The following PCK2 variants were observed in gnomAD, a reference collection of about 807,000 sequenced individuals.
The protein encoded by PCK2 is phosphoenolpyruvate carboxykinase [GTP], mitochondrial.
In PCK2, 56 loss-of-function variants were observed where a neutral mutation model predicts 65.9. That is an observed-to-expected ratio of 0.85 (90% CI 0.69 to 1.06). The LOEUF (loss-of-function observed/expected upper bound fraction) is 1.06, where lower values mean the gene tolerates loss of function less well. Ranked by LOEUF, PCK2 falls within the 50% of genes least tolerant of loss-of-function variation. PCK2 has a pLI of 0.00. For missense variants in PCK2, 843 were observed against 863.1 expected, an observed-to-expected ratio of 0.98 and a Z score of 0.29; for synonymous variants, 305 against 319.6, an observed-to-expected ratio of 0.95 and a Z score of 0.49.
Position 24,103,789 on chromosome 14 carries a change from A to C in PCK2, c.1748A>C (p.Asp583Ala), listed in dbSNP as rs780916962. 3 of 1,613,992 alleles carry C rather than the reference A, an allele frequency of 1.9e-6. No individual in the cohort carries two copies. Among genetic ancestry groups the C allele is most frequent in the Admixed American group, 3.3e-5 (2 of 59,998 alleles). The stretch of plus-strand genomic sequence containing the variant: ...CTGGTGCCAAAGGAAGGAGCCTTGG[A>C]TCTCAGCGGCCTCAGAGCTATAGAC... ...IGLVPKEGAL[D>A]LSGLRAIDTT... Residue 583 changes from aspartate to alanine, a missense_variant, in exon 10 of 10, where the codon GAT becomes GCT. Asp to Ala is a moderately radical substitution (Grantham distance 126). Coordinates refer to ENST00000216780, the MANE Select transcript of PCK2 (RefSeq NM_004563.4).
rs781084380 is a variant in PCK2 at position 24,099,648 on chromosome 14, C to A, written c.943C>A (p.Arg315=). 9.4e-5 allele frequency: 152 copies of A among 1,613,694 alleles called. No homozygotes were observed. The highest frequency in any genetic ancestry group is 1.2e-4 in the Non-Finnish European group (143 of 1,179,750). The change falls in exon 6 of 10, where the codon CGG becomes AGG. Residue 315 remains arginine, a synonymous_variant. Transcript: ENST00000216780. Reference sequence around the variant, plus strand: ...TGGCAAGACCAACCTGGCTATGATGCGGCCTGCACTGCCAGGCTGGAAAGT... The same window carrying A: ...TGGCAAGACCAACCTGGCTATGATGAGGCCTGCACTGCCAGGCTGGAAAGT... The part of the protein sequence containing the change: ...ACGKTNLAMM[R]PALPGWKVEC...
intron 7 of PCK2, chr14:24,100,459 G>A (rs1566579197): frequency 7.6e-6 from 7 of 916,994 alleles, no homozygotes; most frequent in Non-Finnish European, 1.1e-5. Context: ...GTTGAATGAG[G>A]GTAGTTGTGA....
rs1046859716 is a variant in PCK2 at position 24,097,830 on chromosome 14, G to C, written c.276-373G>C. Among the ~76,000 whole-genome samples, 5 of 152,244 alleles carry C rather than the reference G, an allele frequency of 3.3e-5. No homozygotes were observed. In the East Asian group the frequency reaches 9.7e-4, roughly 30 times the overall value. On this transcript the variant is annotated intron_variant, in intron 2 of 9. Coordinates refer to ENST00000216780, the MANE Select transcript of PCK2 (RefSeq NM_004563.4). Reference sequence around the variant, plus strand: ...GTTGGTCTCAAACTCCTAACCTCAAGTGATCCACCCACCTCAGCCTCCCAA... The same window carrying C: ...GTTGGTCTCAAACTCCTAACCTCAACTGATCCACCCACCTCAGCCTCCCAA...
chr14:24,098,950 G>A, intron 4 of PCK2, 99 bp from the exon 5 acceptor site: 2 of 925,478 alleles, frequency 2.2e-6, no homozygotes, highest in Middle Eastern at 3.1e-4. Context: ...TGCTGCTACT[G>A]CTCCCAAGTG....
At chr14:24,097,176 T>C in intron 2 of PCK2, 39 bp downstream of exon 2, 1 of 1,600,066 alleles carries the variant, frequency 6.2e-7, no homozygotes. Context: ...ATAGGTGCAC[T>C]GAGGCCACTT....
intron 1 of PCK2, among the ~76,000 whole-genome samples, chr14:24,096,228 CTTTTTTTTTTTTT>C (rs34592767): frequency 5.9e-4 from 35 of 58,880 alleles, no homozygotes; most frequent in African/African-American, 2.4e-3. Flanking sequence ...CTACTCATTT[CTTTTTTTTTTTTT>C]TTTTTTTTTT....
In PCK2 at chr14:24,103,709, C is replaced by T; in HGVS notation, c.1668C>T (p.Asp556=). 2 of 1,614,206 alleles carry T rather than the reference C, an allele frequency of 1.2e-6. No individual in the cohort carries two copies. Among genetic ancestry groups the T allele is most frequent in the Non-Finnish European group, 1.7e-6 (2 of 1,180,034 alleles). Residue 556 remains aspartate, a synonymous_variant, in exon 10 of 10, where the codon GAC becomes GAT. Transcript: ENST00000216780. ...PGFGENARVL[D]WICRRLEGED... ...TTGGGGAGAATGCTCGGGTGCTAGA[C>T]TGGATCTGCCGGCGGTTAGAGGGGG...
intron 1 of PCK2, chr14:24,095,216 T>C (rs1594282418): frequency 2.2e-6 from 1 of 455,874 alleles, no homozygotes; most frequent in South Asian, 1.5e-5. Flanking sequence ...TTGTGGGTGG[T>C]CTCTGAAGGA....
chr14:24,103,671 C>A lies in PCK2; in HGVS notation c.1630C>A (p.Leu544Met). 1 of 1,614,208 alleles carries A rather than the reference C, an allele frequency of 6.2e-7. No individual in the cohort carries two copies. The highest frequency in any genetic ancestry group is 1.1e-5 in the South Asian group (1 of 91,088). ...WFRRDEAGHF[L>M]WPGFGENARV... The stretch of plus-strand genomic sequence containing the variant: ...CCGGCGTGACGAGGCAGGGCACTTC[C>A]TGTGGCCAGGCTTTGGGGAGAATGC... Residue 544 changes from leucine (L) to methionine (M), a missense_variant, in exon 10 of 10, where the codon CTG becomes ATG. Coordinates refer to ENST00000216780, the MANE Select transcript of PCK2 (RefSeq NM_004563.4).
chr14:24,096,840 T>C (rs2036906592), intron 1 of PCK2, 52 bp from the exon 2 acceptor site: 5 of 1,552,176 alleles, frequency 3.2e-6, no homozygotes, highest in Non-Finnish European at 4.4e-6. Context: ...ACCACCTGCC[T>C]TGTCCACTCT....
At chr14:24,098,959 T>C in intron 4 of PCK2, 90 bp from the exon 5 acceptor site, 1 of 1,005,206 alleles carries the variant, frequency 9.9e-7, no homozygotes, top group Non-Finnish European at 1.5e-6. Context: ...TGCTCCCAAG[T>C]GTCTCTCCTG....
Position 24,100,043 on chromosome 14 carries a change from CT to C in PCK2, c.1065del (p.Gly356ValfsTer46), listed in dbSNP as rs747133397. 9 of 1,613,734 alleles carry C rather than the reference CT, an allele frequency of 5.6e-6. No homozygotes were observed. The highest frequency in any genetic ancestry group is 5.9e-6 in the Non-Finnish European group (7 of 1,179,874). ...NPENGFFGVAPGTSATTNPNA... is the reference protein window; with the variant it reads ...NPENGFFGVAXGTSATTNPNA... ...GAGAACGGCTTCTTTGGGGTTGCCC[CT>C]GGTACCTCTGCCACCACCAATCCCA... On this transcript the variant is annotated frameshift_variant, in exon 7 of 10. Coordinates refer to ENST00000216780, the MANE Select transcript of PCK2 (RefSeq NM_004563.4). LOFTEE classifies it high-confidence loss of function.
chr14:24,097,752 C>G (rs2036959407), intron 2 of PCK2, among the ~76,000 whole-genome samples: 1 of 151,988 alleles, frequency 6.6e-6, no homozygotes, highest in South Asian at 2.1e-4. Flanking sequence ...CGCCACCACA[C>G]CCAGCTGATT....
In PCK2 at chr14:24,103,506, C is replaced by T. The variant is rs369256201; in HGVS notation, c.1469-4C>T. ...ATTCCTTACCCATCTTGCTTCCCCC[C>T]CAGGGAAGATCATCATGCACGACCC... On this transcript the variant is annotated splice_region_variant and splice_polypyrimidine_tract_variant and intron_variant, in intron 9 of 9. Coordinates refer to ENST00000216780, the MANE Select transcript of PCK2 (RefSeq NM_004563.4). 11 of 1,542,348 alleles carry T rather than the reference C, an allele frequency of 7.1e-6. No individual in the cohort carries two copies. The highest frequency in any genetic ancestry group is 1.4e-5 in the African/African-American group (1 of 72,894).
chr14:24,103,507 C>CA lies in PCK2; in HGVS notation c.1469-2dup. On this transcript the variant is annotated splice_polypyrimidine_tract_variant and splice_region_variant and intron_variant, in intron 9 of 9. Coordinates refer to ENST00000216780, the MANE Select transcript of PCK2 (RefSeq NM_004563.4). ...TTCCTTACCCATCTTGCTTCCCCCC[C>CA]AGGGAAGATCATCATGCACGACCCA... 6.5e-7 allele frequency: 1 copy of CA among 1,542,278 alleles called. No homozygotes were observed. The highest frequency in any genetic ancestry group is 8.7e-7 in the Non-Finnish European group (1 of 1,143,732).
chr14:24,095,771 C>T (rs1439475686), intron 1 of PCK2, among the ~76,000 whole-genome samples: 4 of 152,338 alleles, frequency 2.6e-5, no homozygotes, highest in African/African-American at 9.6e-5. Context: ...GCTTCTCTGT[C>T]TCCCAGGGCC....
chr14:24,104,075 T>A lies in PCK2; in HGVS notation c.*111T>A. ...ATTAACTAACATCTTCAATGTGCCATAGACCTTCCCACAAAGACTGTCCAA... is the reference window on the plus strand; with the variant it reads ...ATTAACTAACATCTTCAATGTGCCAAAGACCTTCCCACAAAGACTGTCCAA... On this transcript the variant is annotated 3_prime_UTR_variant, in exon 10 of 10. Transcript: ENST00000216780. The A allele has an allele frequency of 1.4e-6, 1 of 702,666 alleles. No individual in the cohort carries two copies. Among genetic ancestry groups the A allele is most frequent in the Non-Finnish European group, 2.5e-6 (1 of 402,580 alleles). 43.5% of individuals were successfully genotyped at this position (702,666 alleles called of 1,614,324 possible). A position where few individuals can be genotyped will look rare whatever the true frequency, so the allele number is the denominator to read the frequency against.
At position 24,098,407 on chromosome 14, in the gene PCK2, A is replaced by G; in HGVS notation, c.460+20A>G. 1.2e-6 allele frequency: 2 copies of G among 1,610,832 alleles called. No individual in the cohort carries two copies. Among genetic ancestry groups the G allele is most frequent in the South Asian group, 1.1e-5 (1 of 91,018 alleles). On this transcript the variant is annotated intron_variant, in intron 3 of 9. Transcript: ENST00000216780. ...TGCAGGGTAACCAGGGCAGGGGCAC[A>G]GTGGCAAGGGCACGGAAGATGTGAA...
intron 4 of PCK2, 35 bp downstream of exon 4, chr14:24,098,713 G>A (rs1389240582): frequency 6.4e-7 from 1 of 1,571,856 alleles, no homozygotes; most frequent in Admixed American, 1.7e-5. Context: ...GGAACACAGA[G>A]GCCTTCTTGT....
Sources: gnomAD v4.1 joint callset for allele counts (sites outside exome capture counted in the v4.1 genomes callset) on GRCh38, gnomAD v4.1.1 for gene constraint, MANE v1.5 for transcripts, NCBI Gene and HGNC (gene_info 2026-07-23, HGNC 2026-07-21) for gene names.